ATXN1: variants seen among roughly 807,000 people sequenced by gnomAD.
ATXN1 encodes the protein ataxin 1, also known as ataxin-1.
A neutral mutation model predicts 56.4 loss-of-function variants in ATXN1; 8 were observed. The observed-to-expected ratio is 0.14, with a 90% confidence interval of 0.08 to 0.26. ATXN1 has a LOEUF of 0.26. Ranked by LOEUF, ATXN1 falls within the 10% of genes least tolerant of loss-of-function variation. The probability of loss-of-function intolerance (pLI) is 1.00; values close to 1 mark genes in which losing one functional copy is unlikely to be tolerated. For missense variants in ATXN1, 987 were observed against 1,106.5 expected (o/e 0.89, Z 1.53); for synonymous variants, 514 against 494.6 (o/e 1.04, Z -0.52).
chr6:16,757,139 C>CT (rs772282992), intron 1 of ATXN1, among the ~76,000 whole-genome samples: 8 of 152,154 alleles, frequency 5.3e-5, no homozygotes, highest in Non-Finnish European at 8.8e-5. Flanking sequence ...AATCTTGTGG[C>CT]TAAAGAGTTT....
intron 4 of ATXN1, among the ~76,000 whole-genome samples, chr6:16,551,479 A>T (rs1761919193): frequency 6.6e-6 from 1 of 152,190 alleles, no homozygotes; most frequent in Admixed American, 6.5e-5. Flanking sequence ...TCAAGAGACC[A>T]TTGCGGTTGG....
chr6:16,487,887 C>T (rs1760582022), intron 5 of ATXN1, among the ~76,000 whole-genome samples: 1 of 152,136 alleles, frequency 6.6e-6, no homozygotes, highest in Non-Finnish European at 1.5e-5. Context: ...AGAAGTTAGC[C>T]AGGCATCAGG....
chr6:16,731,454 CTTTTTTTTTTTTT>C (rs71559655), intron 2 of ATXN1, among the ~76,000 whole-genome samples: 116 of 81,796 alleles, frequency 1.4e-3, no homozygotes, highest in Middle Eastern at 0.019. Context: ...TTTTTCTTTT[CTTTTTTTTTTTTT>C]TTTTTTTTTT....
chr6:16,519,070 G>A (rs1475609436), intron 5 of ATXN1, among the ~76,000 whole-genome samples: 2 of 152,192 alleles, frequency 1.3e-5, no homozygotes, highest in Non-Finnish European at 2.9e-5. Flanking sequence ...GAGATGGAGT[G>A]AGAATATAAC....
chr6:16,521,259 C>A (rs1561737469), intron 5 of ATXN1, among the ~76,000 whole-genome samples: 1 of 152,178 alleles, frequency 6.6e-6, no homozygotes, highest in East Asian at 1.9e-4. Context: ...ACCAACATAA[C>A]TTTAAAAAAA....
At chr6:16,548,580 A>G (rs575680044) in intron 4 of ATXN1, among the ~76,000 whole-genome samples, 2 of 152,146 alleles carry the variant, frequency 1.3e-5, no homozygotes, top group Non-Finnish European at 2.9e-5. Context: ...TCTTTATTCA[A>G]TAAACATTTT....
At chr6:16,603,333 C>T (rs191832539) in intron 3 of ATXN1, among the ~76,000 whole-genome samples, 1 of 152,348 alleles carries the variant, frequency 6.6e-6, no homozygotes, top group East Asian at 1.9e-4. Flanking sequence ...GGTCCCCTGC[C>T]TCAACTCACC....
intron 6 of ATXN1, among the ~76,000 whole-genome samples, chr6:16,475,495 C>T (rs1760308710): frequency 6.6e-6 from 1 of 152,152 alleles, no homozygotes; most frequent in South Asian, 2.1e-4. Flanking sequence ...CAGACTTTAT[C>T]GCATTTAACT....
At chr6:16,647,106 G>A (rs1453329089) in intron 3 of ATXN1, among the ~76,000 whole-genome samples, 1 of 152,130 alleles carries the variant, frequency 6.6e-6, no homozygotes, top group Non-Finnish European at 1.5e-5. Context: ...CCAGGTTCAA[G>A]CAATTCTCCT....
chr6:16,350,802 G>T (rs937510731), intron 6 of ATXN1, among the ~76,000 whole-genome samples: 4 of 152,164 alleles, frequency 2.6e-5, no homozygotes, highest in Non-Finnish European at 5.9e-5. Context: ...ATGGGAATTG[G>T]CTGGGTGTGG....
chr6:16,352,613 T>G (rs1761593884), intron 6 of ATXN1, among the ~76,000 whole-genome samples: 1 of 152,050 alleles, frequency 6.6e-6, no homozygotes, highest in South Asian at 2.1e-4. Context: ...GCAAGGCACA[T>G]CGAGGGCTCC....
chr6:16,522,132 A>G (rs565616607), intron 5 of ATXN1, among the ~76,000 whole-genome samples: 6 of 152,318 alleles, frequency 3.9e-5, no homozygotes, highest in African/African-American at 1.4e-4. Context: ...CTCTCCATGA[A>G]GCCCCATAAA....
chr6:16,726,862 A>T (rs539668482), intron 2 of ATXN1, among the ~76,000 whole-genome samples: 55 of 152,326 alleles, frequency 3.6e-4, no homozygotes, highest in African/African-American at 1.3e-3. Flanking sequence ...TCATCTCAAA[A>T]AAAAACAAAG....
chr6:16,396,008 C>T (rs372650863), intron 6 of ATXN1, among the ~76,000 whole-genome samples: 34 of 117,032 alleles, frequency 2.9e-4, no homozygotes, highest in African/African-American at 9.3e-4. Flanking sequence ...AGCGAGACTC[C>T]GTCTCAAAAA....
chr6:16,714,323 G>A (rs1174916258), intron 2 of ATXN1, among the ~76,000 whole-genome samples: 1 of 151,810 alleles, frequency 6.6e-6, no homozygotes, highest in African/African-American at 2.4e-5. Context: ...ATTTAGCAGA[G>A]CATCCGCTGA....
chr6:16,332,858 G>A (rs1761023065), intron 6 of ATXN1, among the ~76,000 whole-genome samples: 2 of 152,168 alleles, frequency 1.3e-5, no homozygotes, highest in Non-Finnish European at 1.5e-5. Context: ...CCTCCGACCC[G>A]TGACATCAGC....
At chr6:16,330,125 A>G (rs889269607) in intron 6 of ATXN1, among the ~76,000 whole-genome samples, 2 of 152,114 alleles carry the variant, frequency 1.3e-5, no homozygotes, top group African/African-American at 4.8e-5. Flanking sequence ...TATGTTAACC[A>G]GGCTGGTCTT....
intron 6 of ATXN1, among the ~76,000 whole-genome samples, chr6:16,386,313 C>T (rs1204230080): frequency 2.0e-5 from 3 of 152,170 alleles, no homozygotes; most frequent in Non-Finnish European, 4.4e-5. Context: ...GCACTTGCTG[C>T]TGCTTTGTAG....
intron 6 of ATXN1, among the ~76,000 whole-genome samples, chr6:16,457,999 T>A (rs930722113): frequency 6.6e-6 from 1 of 152,208 alleles, no homozygotes; most frequent in Admixed American, 6.5e-5. Context: ...GGTATATAGA[T>A]GTCCTACAGG....
Sources: gnomAD v4.1 joint callset for allele counts (sites outside exome capture counted in the v4.1 genomes callset) on GRCh38, gnomAD v4.1.1 for gene constraint, MANE v1.5 for transcripts, NCBI Gene and HGNC (gene_info 2026-07-23, HGNC 2026-07-21) for gene names.